FAM83E: variants seen among roughly 807,000 people sequenced by gnomAD.
The protein encoded by FAM83E is scaffolding CK1 anchoring protein E.
In FAM83E, 29 loss-of-function variants were observed where a neutral mutation model predicts 34.3. That is an observed-to-expected ratio of 0.85 (90% CI 0.63 to 1.15). The LOEUF (loss-of-function observed/expected upper bound fraction) is 1.15, where lower values mean the gene tolerates loss of function less well. Ranked by LOEUF, FAM83E falls within the 50% of genes most tolerant of loss-of-function variation. The pLI is 0.00. For missense variants in FAM83E, 697 were observed against 685.0 expected (o/e 1.02, Z -0.20); for synonymous variants, 312 against 311.6 (o/e 1.00, Z -0.01).
At chr19:48,602,704 AATATATATATATATAT>A (rs71294394) in intron 6 of FAM83E, among the ~76,000 whole-genome samples, 8 of 27,500 alleles carry the variant, frequency 2.9e-4, no homozygotes, top group South Asian at 1.4e-3. Flanking sequence ...AAAAAAAAAA[AATATATATATATATAT>A]ATATATATAT....
rs1974099285 is a variant in FAM83E, at chr19:48,614,057, CATCAG to C, written c.-690_-686del. On this transcript the variant is annotated 5_prime_UTR_variant, in exon 3 of 7. The change abolishes an upstream ATG in the 5' untranslated region. Transcript: ENST00000263266. ...ACAGCCCCCACGAGTTTCTCCTGCT[CATCAG>C]CTCTCACCCGCAGACCAGCCAGGAT... The C allele has an allele frequency of 1.0e-6, 1 of 985,648 alleles. No homozygotes were observed. The highest frequency in any genetic ancestry group is 1.7e-5 in the African/African-American group (1 of 57,234). The allele number at this position is 985,648 out of a possible 1,614,324, so 61.1% of individuals were successfully genotyped here. A position where few individuals can be genotyped will look rare whatever the true frequency, so the allele number is the denominator to read the frequency against.
In FAM83E at chr19:48,614,097, C is replaced by A; in HGVS notation, c.-725G>T. 1 of 985,768 alleles carries A rather than the reference C, an allele frequency of 1.0e-6. No individual in the cohort carries two copies. 61.1% of individuals were successfully genotyped at this position (985,768 alleles called of 1,614,324 possible). Reference sequence around the variant, plus strand: ...GCAGACCAGCCAGGATGCCTCTCCACTGGGCCTGCTCGCTCAGCCTTAAAG... The same window carrying A: ...GCAGACCAGCCAGGATGCCTCTCCAATGGGCCTGCTCGCTCAGCCTTAAAG... On this transcript the variant is annotated 5_prime_UTR_variant, in exon 3 of 7. Transcript: ENST00000263266.
rs532313236 is a variant in FAM83E at position 48,600,637 on chromosome 19, C to CTTTTTCT, written c.*465_*471dup. The stretch of plus-strand genomic sequence containing the variant: ...GAGTGAGCCACCTCGATCAGCCTTT[C>CTTTTTCT]TTTTTCTTTTTTCTTTTTTTTTTTT... On this transcript the variant is annotated 3_prime_UTR_variant, in exon 7 of 7. Transcript: ENST00000263266. Among the ~76,000 whole-genome samples, 19 of 147,964 alleles carry CTTTTTCT rather than the reference C, an allele frequency of 1.3e-4. No homozygotes were observed. The highest frequency in any genetic ancestry group is 2.5e-4 in the Non-Finnish European group (17 of 66,848).
chr19:48,607,483 A>C, intron 5 of FAM83E: 2 of 1,263,300 alleles, frequency 1.6e-6, no homozygotes, highest in Non-Finnish European at 2.2e-6. Context: ...CATCCCTTCT[A>C]AGGCTGTCCA....
intron 4 of FAM83E, 55 bp downstream of exon 4, chr19:48,610,625 C>T (rs995398271): frequency 1.5e-5 from 23 of 1,520,088 alleles, no homozygotes; most frequent in Non-Finnish European, 1.8e-6. Flanking sequence ...TCTGCCCCCA[C>T]TGCCCCCATG....
chr19:48,612,653 C>T (rs1176192926), intron 3 of FAM83E, among the ~76,000 whole-genome samples: 5 of 138,304 alleles, frequency 3.6e-5, no homozygotes, highest in Non-Finnish European at 6.2e-5. Context: ...CCGTCCACCT[C>T]GGCCTCCCAA....
rs1024618623 is a variant in FAM83E at position 48,614,799 on chromosome 19, C to T, written c.-1347G>A. 2.0e-5 allele frequency: 20 copies of T among 983,610 alleles called. No individual in the cohort carries two copies. The East Asian group carries it at 3.4e-4, about 17-fold the overall frequency. 60.9% of individuals were successfully genotyped at this position (983,610 alleles called of 1,614,324 possible). A position where few individuals can be genotyped will look rare whatever the true frequency, so the allele number is the denominator to read the frequency against. On this transcript the variant is annotated 5_prime_UTR_variant, in exon 2 of 7. Transcript: ENST00000263266. ...TGTGGCTCCCCGGCTTCTACTTCTG[C>T]GGTGCTTCCCGGCTTCTGGCCTCAC...
intron 6 of FAM83E, among the ~76,000 whole-genome samples, chr19:48,602,686 CAAAA>C (rs746923737): frequency 0.023 from 116 of 4,988 alleles, 1 homozygote; most frequent in Non-Finnish European, 0.031. Context: ...GACCCTATCT[CAAAA>C]AAAAAAAAAA....
rs928110740 is a variant in FAM83E at position 48,600,918 on chromosome 19, G to A, written c.*191C>T. 6.2e-6 allele frequency: 8 copies of A among 1,282,556 alleles called. No homozygotes were observed. The highest frequency in any genetic ancestry group is 8.1e-6 in the Non-Finnish European group (8 of 984,308). The allele number at this position is 1,282,556 out of a possible 1,614,324, so 79.4% of individuals were successfully genotyped here. A position where few individuals can be genotyped will look rare whatever the true frequency, so the allele number is the denominator to read the frequency against. On this transcript the variant is annotated 3_prime_UTR_variant, in exon 7 of 7. Coordinates refer to ENST00000263266, the MANE Select transcript of FAM83E (RefSeq NM_017708.4). ...CCCTCCCACCTTAGCCTCCCAAAGTGCAGGGATTACAGGCATGAGCCACCA... is the reference window on the plus strand; with the variant it reads ...CCCTCCCACCTTAGCCTCCCAAAGTACAGGGATTACAGGCATGAGCCACCA...
Position 48,606,921 on chromosome 19 carries a change from C to T in FAM83E, c.758+2955G>A, listed in dbSNP as rs537272926. On this transcript the variant is annotated intron_variant, in intron 5 of 6. Transcript: ENST00000263266. ...TCAGAGGTCCTTCATTCAGCGGTTC[C>T]GGGAGGTCTGGGAAGCCCACGGCCT... 1.7e-4 allele frequency: 271 copies of T among 1,571,526 alleles called. 1 individual carries two copies. In the African/African-American group the frequency reaches 3.3e-3, roughly 19 times the overall value.
chr19:48,603,186 C>G (rs533997459), intron 6 of FAM83E, among the ~76,000 whole-genome samples: 1 of 152,090 alleles, frequency 6.6e-6, no homozygotes, highest in Non-Finnish European at 1.5e-5. Flanking sequence ...TCTGCTCCTT[C>G]CTAGATGAGG....
At position 48,612,974 on chromosome 19, in the gene FAM83E, C is replaced by G. The variant is rs1163751541; in HGVS notation, c.399G>C (p.Gln133His). The G allele has an allele frequency of 2.5e-6, 4 of 1,601,736 alleles. No individual in the cohort carries two copies. The highest frequency in any genetic ancestry group is 1.7e-6 in the Non-Finnish European group (2 of 1,175,084). Residue 133 changes from glutamine to histidine, a missense_variant, in exon 3 of 7, where the codon CAG (glutamine) becomes CAC (histidine). Physicochemically the swap from Gln to His is conservative, Grantham distance 24. Transcript: ENST00000263266. Reference protein sequence around the residue: ...KGITRAQLYTQPPGEGQPPLK... With the variant: ...KGITRAQLYTHPPGEGQPPLK... The stretch of plus-strand genomic sequence containing the variant: ...GGGGCGGCTGACCCTCTCCAGGAGG[C>G]TGGGTGTACAGCTGCGCCCGGGTGA...
At chr19:48,607,325 G>A (rs1167336948) in intron 5 of FAM83E, 3 of 1,594,936 alleles carry the variant, frequency 1.9e-6, no homozygotes, top group Non-Finnish European at 2.6e-6. Context: ...CTGGGGCTGG[G>A]TATGCTGCTT....
At chr19:48,607,317 G>A (rs1176750530) in intron 5 of FAM83E, 2 of 1,596,210 alleles carry the variant, frequency 1.3e-6, no homozygotes, top group African/African-American at 2.7e-5. Flanking sequence ...GCCTGGCACT[G>A]GGGCTGGGTA....
At chr19:48,603,362 T>G in intron 6 of FAM83E, 132 bp downstream of exon 6, 1 of 814,714 alleles carries the variant, frequency 1.2e-6, no homozygotes. Context: ...ATTATGAATT[T>G]AGGGGTGCAG....
intron 4 of FAM83E, 122 bp downstream of exon 4, chr19:48,610,558 C>G: frequency 8.2e-7 from 1 of 1,216,102 alleles, no homozygotes; most frequent in Non-Finnish European, 1.1e-6. Context: ...GGCATCAGAT[C>G]CCAGGGGACC....
At chr19:48,604,009 G>A (rs1973882878) in intron 5 of FAM83E, 98 bp from the exon 6 acceptor site, 1 of 1,274,650 alleles carries the variant, frequency 7.8e-7, no homozygotes, top group Non-Finnish European at 1.1e-6. Context: ...TAGGACCTCA[G>A]GCGAGTCCTG....
chr19:48,606,148 T>C (rs146779962), intron 5 of FAM83E, among the ~76,000 whole-genome samples: 2 of 151,986 alleles, frequency 1.3e-5, no homozygotes, highest in African/African-American at 2.4e-5. Flanking sequence ...CTGTCTCTAC[T>C]AAAAATACAA....
At chr19:48,610,035 T>C in intron 4 of FAM83E, 35 bp from the exon 5 acceptor site, 1 of 1,601,132 alleles carries the variant, frequency 6.2e-7, no homozygotes, top group South Asian at 1.1e-5. Context: ...ACACCCTTGC[T>C]GAGGCCCACT....
Sources: gnomAD v4.1 joint callset for allele counts (sites outside exome capture counted in the v4.1 genomes callset) on GRCh38, gnomAD v4.1.1 for gene constraint, MANE v1.5 for transcripts, NCBI Gene and HGNC (gene_info 2026-07-23, HGNC 2026-07-21) for gene names.